ASB3: variants seen among roughly 807,000 people sequenced by gnomAD.
ASB3 encodes the protein ankyrin repeat and SOCS box containing 3.
In ASB3, 41 loss-of-function variants were observed where a neutral mutation model predicts 54.5. The ratio of observed to expected loss-of-function variants is 0.75; its 90% confidence interval spans 0.59 to 0.98. The LOEUF is 0.98. Among genes scored for constraint, ASB3 ranks in the 50% least tolerant of loss-of-function variants. ASB3 has a pLI of 0.00. For synonymous variants in ASB3, 266 were observed against 221.2 expected (o/e 1.20, Z -1.80); for missense variants, 733 against 620.0 (o/e 1.18, Z -1.94).
intron 3 of ASB3, among the ~76,000 whole-genome samples, chr2:53,746,429 C>A (rs1053320726): frequency 2.0e-5 from 3 of 151,862 alleles, no homozygotes; most frequent in African/African-American, 7.3e-5. Flanking sequence ...TTTCCATACA[C>A]AACACTGATG....
At chr2:53,756,199 A>G (rs1005300632) in intron 2 of ASB3, among the ~76,000 whole-genome samples, 2 of 152,088 alleles carry the variant, frequency 1.3e-5, no homozygotes, top group African/African-American at 2.4e-5. Flanking sequence ...AAAAATAAAA[A>G]TAAGGTAAGT....
At chr2:53,771,981 T>C (rs1299486621) in intron 1 of ASB3, 2 of 1,138,764 alleles carry the variant, frequency 1.8e-6, no homozygotes, top group South Asian at 1.6e-5. Context: ...ATTTTAATTT[T>C]ATAAAATGTT....
In ASB3 at chr2:53,774,244, G is replaced by A. The variant is rs1267665741; in HGVS notation, c.-13-8659C>T. ...AAAAGGAGGCTACAGAACCACAACAGTCATTTTTTATCCAAAAGATCCCAC... is the reference window on the plus strand; with the variant it reads ...AAAAGGAGGCTACAGAACCACAACAATCATTTTTTATCCAAAAGATCCCAC... On this transcript the variant is annotated intron_variant, in intron 1 of 9. Transcript: ENST00000263634. 9.9e-6 allele frequency: 16 copies of A among 1,613,980 alleles called. No individual in the cohort carries two copies. In the African/African-American group the frequency reaches 2.0e-4, roughly 20 times the overall value.
intron 1 of ASB3, chr2:53,767,904 C>T (rs1355664116): frequency 1.2e-6 from 2 of 1,612,258 alleles, no homozygotes; most frequent in East Asian, 2.2e-5. Context: ...TTTTTGGTTA[C>T]GGGTCCCTGA....
chr2:53,726,866 G>A (rs1671028451), intron 5 of ASB3, among the ~76,000 whole-genome samples: 1 of 151,834 alleles, frequency 6.6e-6, no homozygotes, highest in Admixed American at 6.6e-5. Context: ...GCTAATTTTT[G>A]TATTTTCAGT....
chr2:53,700,196 G>C, intron 8 of ASB3, 75 bp downstream of exon 8: 1 of 1,539,704 alleles, frequency 6.5e-7, no homozygotes, highest in South Asian at 1.3e-5. Context: ...CAAACACTGG[G>C]ATCTCAACTG....
chr2:53,702,215 C>A (rs946406368), intron 7 of ASB3, among the ~76,000 whole-genome samples: 22 of 152,050 alleles, frequency 1.4e-4, no homozygotes, highest in African/African-American at 5.1e-4. Context: ...ACAATATAGA[C>A]CATTTCCCAA....
chr2:53,783,999 G>C (rs1264618260), intron 1 of ASB3, among the ~76,000 whole-genome samples: 1 of 152,190 alleles, frequency 6.6e-6, no homozygotes, highest in African/African-American at 2.4e-5. Flanking sequence ...AATTACATGT[G>C]TGAGAGCTGG....
At chr2:53,771,038 C>G (rs1324450688) in intron 1 of ASB3, among the ~76,000 whole-genome samples, 1 of 152,194 alleles carries the variant, frequency 6.6e-6, no homozygotes, top group African/African-American at 2.4e-5. Context: ...TTTCTGAAAT[C>G]AGCAGGAAAG....
chr2:53,770,404 G>A (rs535635597), intron 1 of ASB3, among the ~76,000 whole-genome samples: 1 of 150,430 alleles, frequency 6.6e-6, no homozygotes, highest in East Asian at 2.0e-4. Context: ...CATACAAGTA[G>A]GTAAAATTGT....
intron 3 of ASB3, among the ~76,000 whole-genome samples, chr2:53,738,454 T>C (rs1671761708): frequency 6.6e-6 from 1 of 152,238 alleles, no homozygotes. Flanking sequence ...TAAAATGGAA[T>C]AAAATTAAAA....
intron 2 of ASB3, among the ~76,000 whole-genome samples, chr2:53,751,586 C>T (rs1196739192): frequency 6.6e-6 from 1 of 151,898 alleles, no homozygotes; most frequent in African/African-American, 2.4e-5. Context: ...GATATTTACA[C>T]AATAAAATTC....
intron 4 of ASB3, 91 bp from the exon 5 acceptor site, chr2:53,728,938 C>G (rs1161645512): frequency 7.2e-6 from 10 of 1,388,926 alleles, no homozygotes; most frequent in Non-Finnish European, 9.5e-6. Context: ...TCTTTTTTAT[C>G]CTCTCACTAA....
At chr2:53,713,691 C>A (rs1389582417) in intron 7 of ASB3, among the ~76,000 whole-genome samples, 1 of 152,056 alleles carries the variant, frequency 6.6e-6, no homozygotes, top group Non-Finnish European at 1.5e-5. Context: ...GGCAAGGGAA[C>A]TGCTTGAGCC....
chr2:53,767,968 T>A, intron 1 of ASB3: 1 of 1,614,122 alleles, frequency 6.2e-7, no homozygotes, highest in Non-Finnish European at 8.5e-7. Flanking sequence ...CATCACCAAC[T>A]ACAGCAGGCG....
At chr2:53,672,012 A>T (rs964412485) in intron 9 of ASB3, among the ~76,000 whole-genome samples, 3 of 152,098 alleles carry the variant, frequency 2.0e-5, no homozygotes, top group Non-Finnish European at 4.4e-5. Flanking sequence ...GGTTCTTTAA[A>T]CTCTAATACC....
chr2:53,777,662 T>C (rs1341943801), intron 1 of ASB3, among the ~76,000 whole-genome samples: 1 of 152,164 alleles, frequency 6.6e-6, no homozygotes, highest in African/African-American at 2.4e-5. Flanking sequence ...TCCCTGTACA[T>C]AATACACATT....
chr2:53,754,190 C>T (rs1402528160), intron 2 of ASB3, among the ~76,000 whole-genome samples: 1 of 152,022 alleles, frequency 6.6e-6, no homozygotes, highest in African/African-American at 2.4e-5. Context: ...GGATTGTAAC[C>T]TAAAGTACAG....
intron 1 of ASB3, among the ~76,000 whole-genome samples, chr2:53,773,298 TTAAGA>T (rs1674075186): frequency 6.7e-6 from 1 of 150,346 alleles, no homozygotes; most frequent in Admixed American, 6.6e-5. Context: ...AAAAATTTTT[TTAAGA>T]TAAAATATCT....
Sources: gnomAD v4.1 joint callset for allele counts (sites outside exome capture counted in the v4.1 genomes callset) on GRCh38, gnomAD v4.1.1 for gene constraint, MANE v1.5 for transcripts, NCBI Gene and HGNC (gene_info 2026-07-23, HGNC 2026-07-21) for gene names.